PCDHGB1: variants seen among roughly 807,000 people sequenced by gnomAD.
The protein encoded by PCDHGB1 is protocadherin gamma subfamily B, 1, also known as protocadherin gamma-B1.
A neutral mutation model predicts 56.6 loss-of-function variants in PCDHGB1; 34 were observed. The observed-to-expected ratio is 0.60, with a 90% CI of 0.46 to 0.80. PCDHGB1 has a LOEUF of 0.80. Ranked by LOEUF, PCDHGB1 falls within the 30% of genes least tolerant of loss-of-function variation. The pLI, the probability that PCDHGB1 is intolerant of heterozygous loss-of-function variation, is 0.00. For synonymous variants in PCDHGB1, 561 were observed against 505.9 expected (o/e 1.11, Z -1.46); for missense variants, 1,278 against 1,204.6 (o/e 1.06, Z -0.90).
chr5:141,411,538 C>G (rs1418802121), intron 1 of PCDHGB1: 1 of 152,268 alleles, frequency 6.6e-6, no homozygotes, highest in Non-Finnish European at 1.5e-5. Context: ...GAGCCCTGAT[C>G]TTGCCACTGC....
chr5:141,447,298 C>T lies in PCDHGB1; in HGVS notation c.2410-47509C>T, dbSNP rs187482431. 1.7e-3 allele frequency among the ~76,000 whole-genome samples: 260 copies of T among 152,214 alleles called. 2 individuals carry two copies. Among genetic ancestry groups the T allele is most frequent in the African/African-American group, 5.8e-3 (239 of 41,534 alleles). ...GGGACTACAGGCACATGCCACCACA[C>T]CCGGCTAATTTTTGTATTTTTAGTA... On this transcript the variant is annotated intron_variant, in intron 1 of 3. Coordinates refer to ENST00000523390, the MANE Select transcript of PCDHGB1 (RefSeq NM_018922.3).
At chr5:141,393,051 C>T in intron 1 of PCDHGB1, 1 of 1,613,622 alleles carries the variant, frequency 6.2e-7, no homozygotes, top group Non-Finnish European at 8.5e-7. Context: ...TCTGAACCCG[C>T]GCAGCGGCAG....
intron 1 of PCDHGB1, chr5:141,400,460 G>GTGAT (rs760132234): frequency 6.2e-7 from 1 of 1,613,938 alleles, no homozygotes. Context: ...ATACTTTGTG[G>GTGAT]TGATTCATCT....
intron 3 of PCDHGB1, among the ~76,000 whole-genome samples, chr5:141,506,444 CAAAAAAAAAA>C (rs1219684339): frequency 8.4e-5 from 8 of 95,030 alleles, no homozygotes; most frequent in Non-Finnish European, 1.3e-4. Context: ...CGCTCTGTCT[CAAAAAAAAAA>C]AAAAAAAAAA....
intron 1 of PCDHGB1, chr5:141,424,465 A>G (rs564844819): frequency 1.3e-5 from 2 of 152,146 alleles, no homozygotes; most frequent in Admixed American, 6.5e-5. Context: ...ATTTCCTTTT[A>G]TTCTTTTACT....
At chr5:141,403,949 G>C (rs1167033357) in intron 1 of PCDHGB1, 2 of 1,613,886 alleles carry the variant, frequency 1.2e-6, no homozygotes, top group Non-Finnish European at 1.7e-6. Flanking sequence ...GTGGACAAAA[G>C]TGCTCATTTC....
chr5:141,362,346 T>A, intron 1 of PCDHGB1: 1 of 1,614,088 alleles, frequency 6.2e-7, no homozygotes, highest in Non-Finnish European at 8.5e-7. Flanking sequence ...AGCCTGGACC[T>A]GGGGTTCTCC....
rs10040701 is a variant in PCDHGB1 at position 141,508,490 on chromosome 5, A to G, written c.2558-2457A>G. ...TCTTTCTTTTACATTCTGGATTTCC[A>G]TATCTTCTCTCCCTCCTGGTCCAGC... On this transcript the variant is annotated intron_variant, in intron 3 of 3. Transcript: ENST00000523390. Among the ~76,000 whole-genome samples, 377 of 152,202 alleles carry G rather than the reference A, an allele frequency of 2.5e-3. 1 individual carries two copies. The highest frequency in any genetic ancestry group is 8.6e-3 in the African/African-American group (358 of 41,530).
At chr5:141,389,197 T>C (rs2091642576) in intron 1 of PCDHGB1, 1 of 1,614,010 alleles carries the variant, frequency 6.2e-7, no homozygotes, top group East Asian at 2.2e-5. Context: ...AGCATCACCC[T>C]GCACATTGGT....
chr5:141,407,808 C>T (rs1182707356), intron 1 of PCDHGB1, among the ~76,000 whole-genome samples: 1 of 152,136 alleles, frequency 6.6e-6, no homozygotes, highest in Non-Finnish European at 1.5e-5. Context: ...ATAGAAATAT[C>T]TACTATAATA....
intron 1 of PCDHGB1, chr5:141,389,975 CTCAGT>C: frequency 6.2e-7 from 1 of 1,614,060 alleles, no homozygotes; most frequent in South Asian, 1.1e-5. Flanking sequence ...TGGCCTTGAT[CTCAGT>C]GCTCTTCCTC....
intron 1 of PCDHGB1, chr5:141,376,150 C>T (rs1411473107): frequency 1.6e-5 from 26 of 1,613,928 alleles, no homozygotes; most frequent in Non-Finnish European, 2.2e-5. Flanking sequence ...ATTCGGACCT[C>T]ACTCTGTACC....
intron 1 of PCDHGB1, chr5:141,355,319 A>G: frequency 6.2e-7 from 1 of 1,613,976 alleles, no homozygotes; most frequent in African/African-American, 1.3e-5. Context: ...GAGGAGCAGG[A>G]AGAAGGCTCA....
At chr5:141,355,278 C>A in intron 1 of PCDHGB1, 1 of 1,613,742 alleles carries the variant, frequency 6.2e-7, no homozygotes, top group Non-Finnish European at 8.5e-7. Flanking sequence ...TGGTGGAAAT[C>A]AGGGCCGAAC....
Position 141,489,767 on chromosome 5 carries a change from G to T in PCDHGB1, c.2410-5040G>T, listed in dbSNP as rs2099691977. On this transcript the variant is annotated intron_variant, in intron 1 of 3. Transcript: ENST00000523390. This position sits in a 1 kb window ranked among gnomAD's most constrained non-coding sequence, Gnocchi z 4.5. ...AGCTTTTACACTCTAAGCCCCAACA[G>T]CCACTTCTCTCTGAATGTGAAGACC... The T allele has an allele frequency of 6.2e-7, 1 of 1,614,028 alleles. No homozygotes were observed. Among genetic ancestry groups the T allele is most frequent in the African/African-American group, 1.3e-5 (1 of 74,938 alleles).
chr5:141,467,672 AT>A (rs1199631144), intron 1 of PCDHGB1, among the ~76,000 whole-genome samples: 1 of 151,634 alleles, frequency 6.6e-6, no homozygotes, highest in Non-Finnish European at 1.5e-5. Context: ...GAAGATTTTT[AT>A]TTTTTTTAGA....
At chr5:141,383,138 G>A (rs538619604) in intron 1 of PCDHGB1, 56 of 1,614,132 alleles carry the variant, frequency 3.5e-5, no homozygotes, top group Admixed American at 2.7e-4. Flanking sequence ...CTGAACCAGC[G>A]CAGCGGCAGC....
intron 1 of PCDHGB1, among the ~76,000 whole-genome samples, chr5:141,387,483 C>G (rs771352001): frequency 6.6e-6 from 1 of 152,204 alleles, no homozygotes; most frequent in Non-Finnish European, 1.5e-5. Flanking sequence ...GGGATGAAGG[C>G]ATTCCTAAGA....
At chr5:141,394,861 A>G in intron 1 of PCDHGB1, 1 of 1,613,390 alleles carries the variant, frequency 6.2e-7, no homozygotes. Flanking sequence ...CCTTCGGTCG[A>G]CCCGAACGAT....
Sources: allele counts gnomAD v4.1 joint callset (sites outside exome capture counted in the v4.1 genomes callset), GRCh38; gene constraint gnomAD v4.1.1; non-coding constraint Gnocchi (gnomAD v3.1); transcripts MANE v1.5; gene names NCBI Gene and HGNC (gene_info 2026-07-23, HGNC 2026-07-21).